The following KLF8 variants were observed in gnomAD, a reference collection of about 807,000 sequenced individuals.
KLF8 encodes Krueppel-like factor 8.
KLF8 carries 10 observed loss-of-function variants against 18.2 expected under a neutral mutation model. The ratio of observed to expected loss-of-function variants is 0.55; its 90% confidence interval spans 0.34 to 0.93. KLF8 has a LOEUF of 0.93. Ranked by LOEUF, KLF8 falls within the 40% of genes least tolerant of loss-of-function variation. The pLI, the probability that KLF8 is intolerant of heterozygous loss-of-function variation, is 0.02. For missense variants in KLF8, 264 were observed against 277.9 expected, an observed-to-expected ratio of 0.95 and a Z score of 0.36; for synonymous variants, 109 against 97.3, an observed-to-expected ratio of 1.12 and a Z score of -0.71.
chrX:56,119,645 C>T, the KLF8 span, among the ~76,000 whole-genome samples: 1 of 109,994 alleles, frequency 9.1e-6, no homozygotes, highest in Non-Finnish European at 1.9e-5. Flanking sequence ...CATGATCCAC[C>T]CGCCTTTGCC....
the KLF8 span, among the ~76,000 whole-genome samples, chrX:56,039,008 T>C: frequency 8.9e-6 from 1 of 112,158 alleles, no homozygotes; most frequent in Non-Finnish European, 1.9e-5. Context: ...CATTTATGTC[T>C]TCTTTTGAGA....
the KLF8 span, among the ~76,000 whole-genome samples, chrX:56,156,407 G>A: frequency 2.8e-5 from 3 of 109,081 alleles, no homozygotes; most frequent in African/African-American, 1.0e-4. Context: ...CCTCTAATAG[G>A]CCCCAGAGTA....
chrX:56,003,267 G>A, the KLF8 span, among the ~76,000 whole-genome samples: 1 of 110,332 alleles, frequency 9.1e-6, no homozygotes, highest in Non-Finnish European at 1.9e-5. Flanking sequence ...ACAAAAAACT[G>A]GGCATCGTGG....
chrX:55,943,907 T>C, the KLF8 span, among the ~76,000 whole-genome samples: 323 of 112,172 alleles, frequency 2.9e-3, 3 homozygotes, highest in Non-Finnish European at 5.5e-3. Flanking sequence ...GAGTGAACCC[T>C]GATGTTTGCA....
the KLF8 span, among the ~76,000 whole-genome samples, chrX:55,928,621 TTTG>T: frequency 9.0e-6 from 1 of 111,670 alleles, no homozygotes; most frequent in Non-Finnish European, 1.9e-5. Context: ...GTATTTGGTT[TTTG>T]GTTTTCTGTT....
the KLF8 span, among the ~76,000 whole-genome samples, chrX:56,175,547 G>C: frequency 8.9e-6 from 1 of 111,819 alleles, no homozygotes; most frequent in Non-Finnish European, 1.9e-5. Context: ...TAAGTACAGT[G>C]TGGTACTGAG....
At chrX:56,069,786 C>T in the KLF8 span, among the ~76,000 whole-genome samples, 1 of 111,943 alleles carries the variant, frequency 8.9e-6, no homozygotes, top group Non-Finnish European at 1.9e-5. Flanking sequence ...TCCTGCCCAG[C>T]GGTCTTGCCC....
the KLF8 span, among the ~76,000 whole-genome samples, chrX:56,093,211 G>T: frequency 1.8e-5 from 2 of 111,023 alleles, no homozygotes; most frequent in Non-Finnish European, 3.8e-5. Context: ...AGAACACCCA[G>T]CAGGATAAAT....
chrX:56,288,144 C>G lies in KLF8; in HGVS notation c.*3650C>G, dbSNP rs1372292542. On this transcript the variant is annotated 3_prime_UTR_variant, in exon 6 of 6. Coordinates refer to ENST00000468660, the MANE Select transcript of KLF8 (RefSeq NM_007250.5). ...CCCAGCAATACTTGAGAGGCTGAGG[C>G]AAGAGAATTGCTTGAACCTGGGAGG... Among the ~76,000 whole-genome samples, 1 of 110,263 alleles carries G rather than the reference C, an allele frequency of 9.1e-6. No homozygotes were observed. The highest frequency in any genetic ancestry group is 3.3e-5 in the African/African-American group (1 of 30,194).
chrX:56,027,506 A>G, the KLF8 span, among the ~76,000 whole-genome samples: 1 of 112,664 alleles, frequency 8.9e-6, no homozygotes, highest in Non-Finnish European at 1.9e-5. Context: ...ATCGAGAGTC[A>G]GTATAAATGT....
the KLF8 span, among the ~76,000 whole-genome samples, chrX:56,203,099 TG>T: frequency 8.9e-6 from 1 of 111,880 alleles, no homozygotes; most frequent in Non-Finnish European, 1.9e-5. Context: ...TTATTGTCTG[TG>T]TTTTGGATAA....
chrX:56,188,808 G>T, the KLF8 span, among the ~76,000 whole-genome samples: 18 of 111,991 alleles, frequency 1.6e-4, no homozygotes, highest in Admixed American at 8.5e-4. Flanking sequence ...GGGAAAACTG[G>T]CCAGCCATAT....
chrX:56,283,255 C>A (rs756587562), intron 5 of KLF8, among the ~76,000 whole-genome samples: 2 of 112,193 alleles, frequency 1.8e-5, no homozygotes, highest in Non-Finnish European at 3.8e-5. Flanking sequence ...TGACACTGCC[C>A]CCCATGCCAT....
chrX:56,060,507 G>A, the KLF8 span, among the ~76,000 whole-genome samples: 1 of 111,922 alleles, frequency 8.9e-6, no homozygotes, highest in Non-Finnish European at 1.9e-5. Flanking sequence ...TGTGTACGTT[G>A]AACCACCCTT....
the KLF8 span, among the ~76,000 whole-genome samples, chrX:55,973,130 T>G: frequency 8.9e-6 from 1 of 112,237 alleles, no homozygotes; most frequent in Non-Finnish European, 1.9e-5. Context: ...CAAGTAGTGG[T>G]GATAGCATAA....
chrX:55,981,702 G>A, the KLF8 span, among the ~76,000 whole-genome samples: 2 of 111,805 alleles, frequency 1.8e-5, no homozygotes, highest in Non-Finnish European at 3.8e-5. Context: ...TCTTTGGGTG[G>A]AATCTTGGAA....
chrX:56,052,341 T>C, the KLF8 span, among the ~76,000 whole-genome samples: 1 of 112,246 alleles, frequency 8.9e-6, no homozygotes, highest in East Asian at 2.8e-4. Flanking sequence ...GCAGGAGAGG[T>C]GCTCTGCTTT....
chrX:56,074,698 G>T, the KLF8 span: 1 of 168,111 alleles, frequency 5.9e-6, no homozygotes, highest in South Asian at 9.2e-5. Context: ...GACCTTTTTA[G>T]TAAGTTTTGA....
rs749659954 is a variant in KLF8, at chrX:56,251,451, A to ATATT, written c.81+1173_81+1176dup. On this transcript the variant is annotated intron_variant, in intron 2 of 5. Transcript: ENST00000468660. Reference sequence around the variant, plus strand: ...TTTATTTTATTTTTTGAATTTTTATATATTTATTTATTTATTTATTTATTT... The same window carrying ATATT: ...TTTATTTTATTTTTTGAATTTTTATATATTTATTTATTTATTTATTTATTTATTT... Among the ~76,000 whole-genome samples, 269 of 110,237 alleles carry ATATT rather than the reference A, an allele frequency of 2.4e-3. 1 individual carries two copies. Among genetic ancestry groups the ATATT allele is most frequent in the African/African-American group, 5.6e-3 (169 of 30,446 alleles).
Sources: gnomAD v4.1 joint callset for allele counts (sites outside exome capture counted in the v4.1 genomes callset) on GRCh38, gnomAD v4.1.1 for gene constraint, MANE v1.5 for transcripts, NCBI Gene and HGNC (gene_info 2026-07-23, HGNC 2026-07-21) for gene names.